Variants in CCDC171 observed in about 807,000 individuals in gnomAD.
The protein encoded by CCDC171 is coiled-coil domain-containing protein 171.
A neutral mutation model predicts 168.2 loss-of-function variants in CCDC171; 177 were observed. That is an observed-to-expected ratio of 1.05 (90% CI 0.93 to 1.19). The LOEUF (loss-of-function observed/expected upper bound fraction) is 1.19, where lower values mean the gene tolerates loss of function less well. Among genes scored for constraint, CCDC171 ranks in the 50% most tolerant of loss-of-function variants. The pLI, the probability that CCDC171 is intolerant of heterozygous loss-of-function variation, is 0.00. For missense variants in CCDC171, 1,991 were observed against 1,539.0 expected, an observed-to-expected ratio of 1.29 and a Z score of -4.91; for synonymous variants, 687 against 540.8, an observed-to-expected ratio of 1.27 and a Z score of -3.75.
intron 11 of CCDC171, among the ~76,000 whole-genome samples, chr9:15,713,804 T>A (rs78481172): frequency 1.3e-5 from 2 of 151,880 alleles, no homozygotes; most frequent in East Asian, 3.9e-4. Context: ...ATCAATTTAG[T>A]AGAGAATGAA....
At chr9:15,869,468 T>G (rs1056686128) in intron 23 of CCDC171, among the ~76,000 whole-genome samples, 1 of 151,836 alleles carries the variant, frequency 6.6e-6, no homozygotes, top group Non-Finnish European at 1.5e-5. Flanking sequence ...TTTATAACGG[T>G]GTTCTTATCT....
chr9:16,047,417 T>A (rs1451224776), intron 1 of CCDC171, among the ~76,000 whole-genome samples: 1 of 152,186 alleles, frequency 6.6e-6, no homozygotes, highest in East Asian at 1.9e-4. Flanking sequence ...CCTAGGTCTG[T>A]GTCCTCTTCA....
the CCDC171 span, among the ~76,000 whole-genome samples, chr9:16,071,213 A>G: frequency 6.6e-6 from 1 of 152,024 alleles, no homozygotes; most frequent in Non-Finnish European, 1.5e-5. Context: ...GTCAGGATCT[A>G]CCCCTGGACT....
chr9:15,785,748 T>G (rs2057916294), intron 21 of CCDC171, among the ~76,000 whole-genome samples: 1 of 152,128 alleles, frequency 6.6e-6, no homozygotes. Flanking sequence ...GGAGTCAGAT[T>G]TCACATCTGT....
At chr9:16,057,193 G>A (rs566349250) in intron 1 of CCDC171, among the ~76,000 whole-genome samples, 1 of 152,240 alleles carries the variant, frequency 6.6e-6, no homozygotes, top group African/African-American at 2.4e-5. Flanking sequence ...TTTGAGGTGG[G>A]AGCAAAGCTT....
At chr9:15,809,300 T>C (rs1003564892) in intron 21 of CCDC171, among the ~76,000 whole-genome samples, 1 of 152,210 alleles carries the variant, frequency 6.6e-6, no homozygotes, top group Admixed American at 6.5e-5. Flanking sequence ...CTGTCCAATA[T>C]GGTAACCACT....
At chr9:15,900,265 T>C (rs569245037) in intron 24 of CCDC171, among the ~76,000 whole-genome samples, 79 of 152,292 alleles carry the variant, frequency 5.2e-4, no homozygotes, top group African/African-American at 1.9e-3. Flanking sequence ...GAGATGTTCT[T>C]CTGAGGGACT....
intron 11 of CCDC171, among the ~76,000 whole-genome samples, chr9:15,704,280 C>G (rs1474246749): frequency 1.3e-5 from 2 of 152,164 alleles, no homozygotes; most frequent in African/African-American, 4.8e-5. Context: ...CCCAGCTACT[C>G]CCGAGGCTGA....
At chr9:15,813,574 T>C (rs1452503918) in intron 21 of CCDC171, among the ~76,000 whole-genome samples, 1 of 152,002 alleles carries the variant, frequency 6.6e-6, no homozygotes, top group Non-Finnish European at 1.5e-5. Flanking sequence ...TCTGTGTTTC[T>C]TTCTAGACAT....
intron 3 of CCDC171, among the ~76,000 whole-genome samples, chr9:16,010,802 T>G (rs1452676270): frequency 6.6e-6 from 1 of 151,540 alleles, no homozygotes; most frequent in African/African-American, 2.4e-5. Flanking sequence ...AAGACCAGTT[T>G]ATAACCAGTG....
intron 8 of CCDC171, among the ~76,000 whole-genome samples, chr9:15,659,561 T>C (rs1356254540): frequency 1.3e-5 from 2 of 152,222 alleles, no homozygotes; most frequent in East Asian, 3.8e-4. Flanking sequence ...TATTTCATGT[T>C]ATTTAGCTGG....
chr9:15,622,990 A>C (rs1434532224), intron 6 of CCDC171, among the ~76,000 whole-genome samples: 4 of 152,236 alleles, frequency 2.6e-5, no homozygotes, highest in Non-Finnish European at 5.9e-5. Context: ...ATACCTTCAG[A>C]GGTCAGTTAA....
intron 25 of CCDC171, among the ~76,000 whole-genome samples, chr9:15,936,908 T>C (rs1484911561): frequency 3.3e-5 from 5 of 151,970 alleles, no homozygotes; most frequent in African/African-American, 1.2e-4. Flanking sequence ...TTTTTTTAGG[T>C]GGAAAGATTG....
intron 3 of CCDC171, among the ~76,000 whole-genome samples, chr9:16,015,274 C>A (rs1034609276): frequency 6.6e-6 from 1 of 152,138 alleles, no homozygotes; most frequent in South Asian, 2.1e-4. Flanking sequence ...CAGTCTTTTG[C>A]TAGCCTCAAA....
chr9:15,845,774 A>G (rs1336569588), intron 21 of CCDC171: 1 of 151,986 alleles, frequency 6.6e-6, no homozygotes, highest in Non-Finnish European at 1.5e-5. Flanking sequence ...TATTCTAGAA[A>G]TTTTTTCGGC....
At chr9:15,608,944 C>CAAAAAAAAAA (rs71491669) in intron 6 of CCDC171, among the ~76,000 whole-genome samples, 3 of 13,724 alleles carry the variant, frequency 2.2e-4, no homozygotes, top group African/African-American at 7.6e-4. Flanking sequence ...GACCCTGTCT[C>CAAAAAAAAAA]AAAAAAAAAA....
chr9:15,622,536 G>C (rs1447964925), intron 6 of CCDC171, among the ~76,000 whole-genome samples: 1 of 152,206 alleles, frequency 6.6e-6, no homozygotes, highest in East Asian at 1.9e-4. Context: ...TGAGGGAAAT[G>C]TGGGAAAGAG....
chr9:15,828,361 G>T (rs7024440), intron 21 of CCDC171, among the ~76,000 whole-genome samples: 1 of 151,224 alleles, frequency 6.6e-6, no homozygotes. Flanking sequence ...TTAGAAAAGT[G>T]ATACGTGAAG....
upstream of CCDC171, among the ~76,000 whole-genome samples, chr9:16,039,322 G>T (rs1452092395): frequency 2.0e-5 from 3 of 152,122 alleles, no homozygotes; most frequent in Admixed American, 1.3e-4. Context: ...GGGTGATTTT[G>T]GCATGTGAGT....
Sources: allele counts gnomAD v4.1 joint callset (sites outside exome capture counted in the v4.1 genomes callset), GRCh38; gene constraint gnomAD v4.1.1; transcripts MANE v1.5; gene names NCBI Gene and HGNC (gene_info 2026-07-23, HGNC 2026-07-21).